The following LAMA3 variants were observed in gnomAD, a reference collection of about 807,000 sequenced individuals.
LAMA3 encodes the protein laminin subunit alpha-3.
In LAMA3, 281 loss-of-function variants were observed where a neutral mutation model predicts 402.0. That is an observed-to-expected ratio of 0.70 (90% CI 0.63 to 0.77). The LOEUF (loss-of-function observed/expected upper bound fraction) is 0.77. Among genes scored for constraint, LAMA3 ranks in the 30% least tolerant of loss-of-function variants. LAMA3 has a pLI of 0.00. For synonymous variants in LAMA3, 1,431 were observed against 1,558.4 expected (o/e 0.92, Z 1.93); for missense variants, 3,840 against 4,215.5 (o/e 0.91, Z 2.47).
At chr18:23,920,153 G>A (rs2145301059) in intron 60 of LAMA3, among the ~76,000 whole-genome samples, 2 of 152,304 alleles carry the variant, frequency 1.3e-5, no homozygotes, top group Middle Eastern at 6.8e-3. Flanking sequence ...TGCATGCAGG[G>A]GGCAGGCTGG....
At chr18:23,884,911 G>A in intron 41 of LAMA3, 58 bp downstream of exon 41, 1 of 1,340,076 alleles carries the variant, frequency 7.5e-7, no homozygotes. Flanking sequence ...GGCTGTGGGT[G>A]GGGCTGCCAG....
intron 17 of LAMA3, 38 bp from the exon 18 acceptor site, chr18:23,816,350 G>T: frequency 1.3e-6 from 2 of 1,542,826 alleles, no homozygotes; most frequent in Non-Finnish European, 1.8e-6. Context: ...GTGTGGAGAT[G>T]GTTTAAGGTA....
At chr18:23,815,792 T>G (rs1336727956) in intron 17 of LAMA3, among the ~76,000 whole-genome samples, 1 of 152,210 alleles carries the variant, frequency 6.6e-6, no homozygotes, top group Non-Finnish European at 1.5e-5. Context: ...CACTGTGGGT[T>G]TAATGATAAG....
At chr18:23,814,541 G>C (rs1460802481) in intron 15 of LAMA3, 39 bp downstream of exon 15, 11 of 1,323,164 alleles carry the variant, frequency 8.3e-6, no homozygotes, top group Non-Finnish European at 1.2e-5. Context: ...ATATTATAAT[G>C]TTCTCTTAAT....
intron 32 of LAMA3, among the ~76,000 whole-genome samples, chr18:23,854,669 AAAAAG>A (rs1348105747): frequency 1.3e-5 from 2 of 149,284 alleles, no homozygotes; most frequent in Non-Finnish European, 3.0e-5. Context: ...AAATAAATAA[AAAAAG>A]AAAAGAAAAC....
intron 1 of LAMA3, among the ~76,000 whole-genome samples, chr18:23,703,156 A>C (rs1461873090): frequency 6.6e-6 from 1 of 152,168 alleles, no homozygotes; most frequent in African/African-American, 2.4e-5. Context: ...GAGTGCTTTT[A>C]TAAAATTCTG....
chr18:23,716,536 C>T (rs2061102987), intron 2 of LAMA3, among the ~76,000 whole-genome samples: 1 of 152,172 alleles, frequency 6.6e-6, no homozygotes, highest in Non-Finnish European at 1.5e-5. Flanking sequence ...ACTGAACTTA[C>T]CCATGTCTGC....
chr18:23,787,873 A>G lies in LAMA3; in HGVS notation c.1603+3716A>G, dbSNP rs550285728. Among the ~76,000 whole-genome samples the G allele has an allele frequency of 4.6e-5, 7 of 152,328 alleles. No homozygotes were observed. In the South Asian group the frequency reaches 1.4e-3, roughly 32 times the overall value. On this transcript the variant is annotated intron_variant, in intron 12 of 74. Coordinates refer to ENST00000313654, the MANE Select transcript of LAMA3 (RefSeq NM_198129.4). ...CAGGTACCATCAAATAATAATTTGA[A>G]TAACATGTAAAAATTACAAAAGAGA...
At chr18:23,858,592 A>G (rs1005887477) in intron 33 of LAMA3, 97 bp from the exon 34 acceptor site, 1 of 1,111,576 alleles carries the variant, frequency 9.0e-7, no homozygotes, top group Non-Finnish European at 1.4e-6. Flanking sequence ...TCCTCATCCT[A>G]ACATCTTGTG....
chr18:23,852,880 G>C (rs2063977050), intron 32 of LAMA3, among the ~76,000 whole-genome samples: 1 of 151,928 alleles, frequency 6.6e-6, no homozygotes, highest in Non-Finnish European at 1.5e-5. Context: ...GTTGTGAAAG[G>C]GCTCCCTCCT....
intron 2 of LAMA3, among the ~76,000 whole-genome samples, chr18:23,732,894 C>G (rs2061416749): frequency 6.6e-6 from 1 of 152,108 alleles, no homozygotes; most frequent in Non-Finnish European, 1.5e-5. Context: ...TCAACAAGTG[C>G]TAGTTCTCCT....
rs111308546 is a variant in LAMA3 at position 23,786,084 on chromosome 18, T to C, written c.1603+1927T>C. Among the ~76,000 whole-genome samples, 936 of 152,306 alleles carry C rather than the reference T, an allele frequency of 6.1e-3. 14 individuals carry two copies. Among genetic ancestry groups the C allele is most frequent in the African/African-American group, 0.021 (878 of 41,566 alleles). ...TAACCAGTGAAAATATTTTAAAAAATTGTTTGAAGTCTCTGTTAATGGTCA... is the reference window on the plus strand; with the variant it reads ...TAACCAGTGAAAATATTTTAAAAAACTGTTTGAAGTCTCTGTTAATGGTCA... On this transcript the variant is annotated intron_variant, in intron 12 of 74. Transcript: ENST00000313654.
intron 2 of LAMA3, among the ~76,000 whole-genome samples, chr18:23,733,912 A>C (rs117324115): frequency 0.018 from 2,711 of 152,300 alleles, 32 homozygotes; most frequent in Non-Finnish European, 0.027. Flanking sequence ...TTTCTACTGA[A>C]TTAGAATTTC....
At chr18:23,932,372 GT>G in intron 66 of LAMA3, 81 bp downstream of exon 66, 3 of 1,479,420 alleles carry the variant, frequency 2.0e-6, no homozygotes, top group Non-Finnish European at 2.8e-6. Flanking sequence ...AGTTAACAAA[GT>G]CAGCTTTGTC....
At chr18:23,765,985 T>A (rs991720437) in intron 8 of LAMA3, among the ~76,000 whole-genome samples, 1 of 151,758 alleles carries the variant, frequency 6.6e-6, no homozygotes, top group Non-Finnish European at 1.5e-5. Context: ...TAGCTAAAGA[T>A]GTAAGGAACA....
At chr18:23,924,625 A>G (rs2081950285) in intron 62 of LAMA3, among the ~76,000 whole-genome samples, 1 of 141,354 alleles carries the variant, frequency 7.1e-6, no homozygotes, top group South Asian at 2.2e-4. Flanking sequence ...GCTTACTGCA[A>G]CCTCCACCTC....
chr18:23,802,920 T>C lies in LAMA3; in HGVS notation c.1604-7446T>C, dbSNP rs139037437. Among the ~76,000 whole-genome samples the C allele has an allele frequency of 8.5e-3, 1,296 of 152,288 alleles. 12 individuals carry two copies. The highest frequency in any genetic ancestry group is 0.064 in the South Asian group (307 of 4,806). On this transcript the variant is annotated intron_variant, in intron 12 of 74. Transcript: ENST00000313654. ...GTTTTCACCTACAGTGAAAACTCAC[T>C]GTAACTGAGTTTTCAAAAGGCCATT...
intron 23 of LAMA3, 75 bp downstream of exon 23, chr18:23,827,542 A>C: frequency 6.7e-7 from 1 of 1,500,422 alleles, no homozygotes; most frequent in Non-Finnish European, 9.1e-7. Flanking sequence ...ACTTGGCCAC[A>C]GTTGCTTCTC....
chr18:23,940,199 G>A (rs2082449918), intron 68 of LAMA3, among the ~76,000 whole-genome samples: 2 of 152,216 alleles, frequency 1.3e-5, no homozygotes, highest in African/African-American at 4.8e-5. Context: ...GCAGATGGCT[G>A]TGGGCCTGCA....
Sources: allele counts gnomAD v4.1 joint callset (sites outside exome capture counted in the v4.1 genomes callset), GRCh38; gene constraint gnomAD v4.1.1; transcripts MANE v1.5; gene names NCBI Gene and HGNC (gene_info 2026-07-23, HGNC 2026-07-21).